LIMCH1: variants seen among roughly 807,000 people sequenced by gnomAD.
LIMCH1 encodes LIM and calponin homology domains 1.
Under a neutral mutation model 176.5 loss-of-function variants are expected in LIMCH1, and 113 were observed. That is an observed-to-expected ratio of 0.64 (90% CI 0.55 to 0.75). The LOEUF (loss-of-function observed/expected upper bound fraction) is 0.75. Ranked by LOEUF, LIMCH1 falls within the 30% of genes least tolerant of loss-of-function variation. The pLI, the probability that LIMCH1 is intolerant of heterozygous loss-of-function variation, is 0.00. For missense variants in LIMCH1, 1,674 were observed against 1,814.9 expected, an observed-to-expected ratio of 0.92 and a Z score of 1.41; for synonymous variants, 619 against 645.9, an observed-to-expected ratio of 0.96 and a Z score of 0.63.
Position 41,697,259 on chromosome 4 carries a change from C to A in LIMCH1, c.*74C>A. 7.0e-7 allele frequency: 1 copy of A among 1,430,732 alleles called. No individual in the cohort carries two copies. The highest frequency in any genetic ancestry group is 9.9e-7 in the Non-Finnish European group (1 of 1,015,078). 88.6% of individuals were successfully genotyped at this position (1,430,732 alleles called of 1,614,324 possible). On this transcript the variant is annotated 3_prime_UTR_variant, in exon 32 of 32. Coordinates refer to ENST00000503057, the MANE Select transcript of LIMCH1 (RefSeq NM_001330672.2). Reference sequence around the variant, plus strand: ...TCCCCTGGCAACTGCTTAACAAAATCCCAAGCTCAGGGGCTTCTCAGCATT... The same window carrying A: ...TCCCCTGGCAACTGCTTAACAAAATACCAAGCTCAGGGGCTTCTCAGCATT...
At chr4:41,482,805 CA>C (rs1246176171) in intron 1 of LIMCH1, among the ~76,000 whole-genome samples, 1 of 152,114 alleles carries the variant, frequency 6.6e-6, no homozygotes, top group Non-Finnish European at 1.5e-5. Flanking sequence ...ATTCTTCATG[CA>C]AACCTTTGGA....
At chr4:41,652,789 A>G (rs1314054657) in intron 18 of LIMCH1, among the ~76,000 whole-genome samples, 2 of 152,210 alleles carry the variant, frequency 1.3e-5, no homozygotes, top group African/African-American at 2.4e-5. Context: ...AAACTATGCT[A>G]TTTCAAAAGT....
chr4:41,641,571 T>C (rs547328307), intron 14 of LIMCH1, among the ~76,000 whole-genome samples: 22 of 152,328 alleles, frequency 1.4e-4, no homozygotes, highest in African/African-American at 5.3e-4. Context: ...TTTTGGAATA[T>C]TTGCATATAC....
intron 16 of LIMCH1, 91 bp downstream of exon 16, chr4:41,646,371 A>G: frequency 6.6e-7 from 1 of 1,509,730 alleles, no homozygotes; most frequent in South Asian, 1.3e-5. Context: ...AGGTTCTGAT[A>G]GTAACATTTT....
intron 4 of LIMCH1, among the ~76,000 whole-genome samples, chr4:41,606,333 A>C (rs1254881156): frequency 2.0e-5 from 3 of 152,206 alleles, no homozygotes; most frequent in African/African-American, 7.2e-5. Context: ...TGCTTGAATT[A>C]AACAATGCAG....
intron 20 of LIMCH1, among the ~76,000 whole-genome samples, chr4:41,664,903 G>A (rs549947074): frequency 2.6e-5 from 4 of 152,042 alleles, no homozygotes; most frequent in South Asian, 2.1e-4. Flanking sequence ...TTTTTTAAGC[G>A]TAAAATAAAA....
rs76700490 is a variant in LIMCH1, at chr4:41,393,350, A to G, written c.96+32414A>G. 1.3e-3 allele frequency among the ~76,000 whole-genome samples: 204 copies of G among 152,284 alleles called. 5 individuals carry two copies. In the East Asian group the frequency reaches 0.037, roughly 28 times the overall value. ...TGGCTGCTGCTGCTGGTGGTAAATT[A>G]TGATGGTTCTACTCTGCCCTTCATG... On this transcript the variant is annotated intron_variant, in intron 1 of 26. Transcript: ENST00000313860.
chr4:41,367,684 C>CAAAAA (rs35832745), intron 1 of LIMCH1, among the ~76,000 whole-genome samples: 17 of 96,506 alleles, frequency 1.8e-4, no homozygotes, highest in South Asian at 1.6e-3. Flanking sequence ...ACTAAAAATC[C>CAAAAA]AAAAAAAAAA....
At chr4:41,373,864 C>T (rs1247071988) in intron 1 of LIMCH1, among the ~76,000 whole-genome samples, 4 of 152,066 alleles carry the variant, frequency 2.6e-5, no homozygotes, top group African/African-American at 9.7e-5. Flanking sequence ...CAAATTTCCC[C>T]CTTGCTGTTC....
chr4:41,650,616 C>T lies in LIMCH1; in HGVS notation c.3036+8C>T, dbSNP rs1285786646. 3 of 1,603,042 alleles carry T rather than the reference C, an allele frequency of 1.9e-6. No individual in the cohort carries two copies. Among genetic ancestry groups the T allele is most frequent in the Non-Finnish European group, 2.6e-6 (3 of 1,172,668 alleles). The stretch of plus-strand genomic sequence containing the variant: ...GTTCCCCAAGAGCTCGCAGTAAGAA[C>T]CAAACATTTCCCCGCCTCCCTTTGG... On this transcript the variant is annotated splice_region_variant and intron_variant, in intron 18 of 31. Coordinates refer to ENST00000503057, the MANE Select transcript of LIMCH1 (RefSeq NM_001330672.2).
At chr4:41,580,058 A>C (rs1048329297) in intron 1 of LIMCH1, among the ~76,000 whole-genome samples, 2 of 152,212 alleles carry the variant, frequency 1.3e-5, no homozygotes, top group African/African-American at 2.4e-5. Flanking sequence ...TTTGACACAC[A>C]GGGTAACTGA....
intron 2 of LIMCH1, among the ~76,000 whole-genome samples, chr4:41,498,789 A>G (rs1165499229): frequency 1.3e-5 from 2 of 152,070 alleles, no homozygotes; most frequent in Non-Finnish European, 2.9e-5. Context: ...CAGAAAAGAA[A>G]CTTTCTGACT....
intron 1 of LIMCH1, among the ~76,000 whole-genome samples, chr4:41,552,378 G>A (rs536399975): frequency 6.6e-6 from 1 of 152,202 alleles, no homozygotes; most frequent in African/African-American, 2.4e-5. Flanking sequence ...TCCATATACT[G>A]ATCTTTAAAA....
In LIMCH1 at chr4:41,620,709, G is replaced by T; in HGVS notation, c.725+19G>T. On this transcript the variant is annotated intron_variant, in intron 7 of 31. Coordinates refer to ENST00000503057, the MANE Select transcript of LIMCH1 (RefSeq NM_001330672.2). ...TTGCCAGGTCAGCTCTGGGCTGAGG[G>T]CTGGCCCGGCTGGCTTTCTGCATGC... is the stretch of plus-strand genomic sequence containing the variant. 1 of 1,513,414 alleles carries T rather than the reference G, an allele frequency of 6.6e-7. No individual in the cohort carries two copies. The highest frequency in any genetic ancestry group is 8.8e-7 in the Non-Finnish European group (1 of 1,134,554). 93.7% of individuals were successfully genotyped at this position (1,513,414 alleles called of 1,614,324 possible).
At chr4:41,636,951 G>C (rs1428613880) in intron 13 of LIMCH1, among the ~76,000 whole-genome samples, 2 of 152,140 alleles carry the variant, frequency 1.3e-5, no homozygotes. Flanking sequence ...TCTGTATATA[G>C]CTTAAACTTC....
chr4:41,413,183 G>A (rs11723739), intron 1 of LIMCH1, among the ~76,000 whole-genome samples: 40,810 of 150,194 alleles, frequency 0.27, 6,255 homozygotes, highest in South Asian at 0.41. Flanking sequence ...CTAACAGAGA[G>A]CCATGTTATT....
chr4:41,508,118 A>G (rs2074402523), intron 2 of LIMCH1, among the ~76,000 whole-genome samples: 1 of 152,190 alleles, frequency 6.6e-6, no homozygotes, highest in Admixed American at 6.5e-5. Context: ...TTGTTTGGCC[A>G]AAAGGTAGAA....
At chr4:41,599,661 T>C (rs1245633234) in intron 2 of LIMCH1, among the ~76,000 whole-genome samples, 3 of 152,194 alleles carry the variant, frequency 2.0e-5, no homozygotes, top group African/African-American at 7.2e-5. Flanking sequence ...TTTCCTGTAG[T>C]TTAGAAGTTC....
At chr4:41,644,471 C>G in intron 14 of LIMCH1, 29 bp from the exon 15 acceptor site, 1 of 1,476,756 alleles carries the variant, frequency 6.8e-7, no homozygotes, top group East Asian at 2.7e-5. Flanking sequence ...GATCGCGGTC[C>G]CTCTTGTGTT....
Sources: allele counts gnomAD v4.1 joint callset (sites outside exome capture counted in the v4.1 genomes callset), GRCh38; gene constraint gnomAD v4.1.1; transcripts MANE v1.5; gene names NCBI Gene and HGNC (gene_info 2026-07-23, HGNC 2026-07-21).